The following COMMD10 variants were observed in gnomAD, a reference collection of about 807,000 sequenced individuals.
COMMD10 encodes the protein COMM domain-containing protein 10.
Under a neutral mutation model 28.9 loss-of-function variants are expected in COMMD10, and 33 were observed. The observed-to-expected ratio is 1.14, with a 90% confidence interval of 0.87 to 1.53. COMMD10 has a LOEUF of 1.53. COMMD10 is among the 40% of genes most tolerant of loss of function. The probability of loss-of-function intolerance (pLI) is 0.00; values close to 1 mark genes in which losing one functional copy is unlikely to be tolerated. For missense variants in COMMD10, 310 were observed against 233.4 expected, an observed-to-expected ratio of 1.33 and a Z score of -2.14; for synonymous variants, 110 against 81.7, an observed-to-expected ratio of 1.35 and a Z score of -1.87.
At chr5:116,133,064 G>C (rs1751911046) in intron 4 of COMMD10, among the ~76,000 whole-genome samples, 1 of 152,066 alleles carries the variant, frequency 6.6e-6, no homozygotes, top group Admixed American at 6.6e-5. Context: ...TTCAAATTAA[G>C]TGATTAGTAT....
chr5:116,189,456 G>A (rs1319194771), intron 5 of COMMD10, among the ~76,000 whole-genome samples: 1 of 152,054 alleles, frequency 6.6e-6, no homozygotes, highest in Non-Finnish European at 1.5e-5. Flanking sequence ...TGCAGTTCTG[G>A]CTTCCTAACC....
At position 116,248,947 on chromosome 5, in the gene COMMD10, C is replaced by A. The variant is rs77628157; in HGVS notation, c.511-42570C>A. On this transcript the variant is annotated intron_variant, in intron 5 of 6. Transcript: ENST00000274458. Reference sequence around the variant, plus strand: ...GTTTGAACATCTTGTTTGGAGATTTCTAAAATCAAGTAATAATAAGTAACA... The same window carrying A: ...GTTTGAACATCTTGTTTGGAGATTTATAAAATCAAGTAATAATAAGTAACA... Among the ~76,000 whole-genome samples the A allele has an allele frequency of 5.1e-3, 770 of 152,008 alleles. 7 individuals are homozygous for A. The highest frequency in any genetic ancestry group is 0.017 in the African/African-American group (711 of 41,510).
intron 5 of COMMD10, among the ~76,000 whole-genome samples, chr5:116,183,657 A>G (rs1748047891): frequency 6.6e-6 from 1 of 152,142 alleles, no homozygotes; most frequent in Non-Finnish European, 1.5e-5. Context: ...GTTCACCAAT[A>G]TATTCACTGC....
At chr5:116,236,334 T>C (rs1214575495) in intron 5 of COMMD10, among the ~76,000 whole-genome samples, 4 of 151,894 alleles carry the variant, frequency 2.6e-5, no homozygotes, top group Non-Finnish European at 5.9e-5. Context: ...TGAAACTCTG[T>C]CTCTACTAAA....
chr5:116,160,524 A>G (rs769986022), intron 5 of COMMD10, among the ~76,000 whole-genome samples: 2 of 152,146 alleles, frequency 1.3e-5, no homozygotes, highest in Non-Finnish European at 2.9e-5. Flanking sequence ...TCTCTTAGGT[A>G]CAAGGTAATA....
intron 5 of COMMD10, chr5:116,188,557 T>G (rs901577626): frequency 4.6e-5 from 7 of 151,890 alleles, no homozygotes; most frequent in Non-Finnish European, 7.4e-5. Context: ...GAGCACATGG[T>G]TTTTCTCTTT....
chr5:116,109,163 C>A (rs532942737), intron 4 of COMMD10, among the ~76,000 whole-genome samples: 2 of 152,272 alleles, frequency 1.3e-5, no homozygotes, highest in South Asian at 4.1e-4. Flanking sequence ...AGCATATCAT[C>A]ATAATAGTTC....
chr5:116,105,890 T>G lies in COMMD10; in HGVS notation c.399+13190T>G, dbSNP rs1269876935. Among the ~76,000 whole-genome samples, 2 of 151,604 alleles carry G rather than the reference T, an allele frequency of 1.3e-5. 1 individual carries two copies. Among genetic ancestry groups the G allele is most frequent in the African/African-American group, 4.9e-5 (2 of 41,068 alleles). On this transcript the variant is annotated intron_variant, in intron 4 of 6. Transcript: ENST00000274458. Reference sequence around the variant, plus strand: ...CTGGCTAAGGGTCTGTGTATTTTGTTGAGCTTTTCAAAAAACCAGCTCCTG... The same window carrying G: ...CTGGCTAAGGGTCTGTGTATTTTGTGGAGCTTTTCAAAAAACCAGCTCCTG...
At chr5:116,225,756 A>G (rs1324371209) in intron 5 of COMMD10, among the ~76,000 whole-genome samples, 1 of 152,004 alleles carries the variant, frequency 6.6e-6, no homozygotes, top group Non-Finnish European at 1.5e-5. Flanking sequence ...CAAGCTGTAA[A>G]TGATTGAAAA....
At chr5:116,121,996 A>G (rs1390972249) in intron 4 of COMMD10, among the ~76,000 whole-genome samples, 1 of 152,158 alleles carries the variant, frequency 6.6e-6, no homozygotes, top group Non-Finnish European at 1.5e-5. Context: ...ATTAGATTCC[A>G]TTTGACTATT....
chr5:116,159,264 C>T (rs1423770906), intron 5 of COMMD10, among the ~76,000 whole-genome samples: 1 of 152,216 alleles, frequency 6.6e-6, no homozygotes, highest in Non-Finnish European at 1.5e-5. Context: ...TTCCCAGCCC[C>T]TCCACTCTGT....
At chr5:116,173,919 A>T (rs1469670000) in intron 5 of COMMD10, among the ~76,000 whole-genome samples, 1 of 151,790 alleles carries the variant, frequency 6.6e-6, no homozygotes, top group Non-Finnish European at 1.5e-5. Flanking sequence ...TCTTTATTCA[A>T]CAAACATCTA....
At position 116,291,545 on chromosome 5, in the gene COMMD10, G is replaced by T; in HGVS notation, c.539G>T (p.Ser180Ile). 5.0e-6 allele frequency: 8 copies of T among 1,601,222 alleles called. No homozygotes were observed. Among genetic ancestry groups the T allele is most frequent in the East Asian group, 2.3e-5 (1 of 44,294 alleles). ...CTGGAGAAAGTTCTTGTGGAATTCA[G>T]TCACAAGGAGTTGTTTGATTTCTAT... ...KSLEKVLVEF[S>I]HKELFDFYNK... The change falls in exon 6 of 7, where the codon AGT becomes ATT. Residue 180 changes from serine to isoleucine, a missense_variant. Transcript: ENST00000274458.
intron 5 of COMMD10, among the ~76,000 whole-genome samples, chr5:116,160,922 T>TA (rs1752894788): frequency 6.6e-6 from 1 of 152,150 alleles, no homozygotes; most frequent in Admixed American, 6.6e-5. Flanking sequence ...AAAATATTGG[T>TA]ATGAGGCTTT....
At chr5:116,154,746 T>G (rs1298479432) in intron 5 of COMMD10, among the ~76,000 whole-genome samples, 2 of 151,684 alleles carry the variant, frequency 1.3e-5, no homozygotes, top group Non-Finnish European at 2.9e-5. Flanking sequence ...CTTTTTCTTT[T>G]TCTTTTTGCA....
intron 5 of COMMD10, among the ~76,000 whole-genome samples, chr5:116,285,903 C>A (rs1291465657): frequency 6.6e-6 from 1 of 151,808 alleles, no homozygotes. Flanking sequence ...AGTATCTCCT[C>A]TTGTTCAAGT....
chr5:116,129,017 A>T (rs1445180987), intron 4 of COMMD10, among the ~76,000 whole-genome samples: 1 of 151,876 alleles, frequency 6.6e-6, no homozygotes, highest in African/African-American at 2.4e-5. Flanking sequence ...CTTTTCTTTT[A>T]TAAATAAAGA....
chr5:116,094,740 G>T (rs976484413), intron 4 of COMMD10, among the ~76,000 whole-genome samples: 2 of 152,170 alleles, frequency 1.3e-5, no homozygotes, highest in Admixed American at 1.3e-4. Context: ...TTGCAACACT[G>T]TTCACAATAG....
chr5:116,096,218 A>G (rs1393604226), intron 4 of COMMD10, among the ~76,000 whole-genome samples: 1 of 151,980 alleles, frequency 6.6e-6, no homozygotes, highest in Non-Finnish European at 1.5e-5. Context: ...CTTAATAAGT[A>G]TTGAGTATAT....
Sources: gnomAD v4.1 joint callset for allele counts (sites outside exome capture counted in the v4.1 genomes callset) on GRCh38, gnomAD v4.1.1 for gene constraint, MANE v1.5 for transcripts, NCBI Gene and HGNC (gene_info 2026-07-23, HGNC 2026-07-21) for gene names.